The following ATF7IP variants were observed in gnomAD, a reference collection of about 807,000 sequenced individuals.
ATF7IP encodes the protein activating transcription factor 7 interacting protein.
A neutral mutation model predicts 106.4 loss-of-function variants in ATF7IP; 23 were observed. That is an observed-to-expected ratio of 0.22 (90% CI 0.16 to 0.31). The LOEUF (loss-of-function observed/expected upper bound fraction) is 0.31, where lower values mean the gene tolerates loss of function less well. ATF7IP is among the 10% of genes least tolerant of loss of function. ATF7IP has a pLI of 1.00. For synonymous variants in ATF7IP, 542 were observed against 539.0 expected (o/e 1.01, Z -0.08); for missense variants, 1,334 against 1,524.3 (o/e 0.88, Z 2.08).
intron 1 of ATF7IP, among the ~76,000 whole-genome samples, chr12:14,393,296 T>G (rs1250682245): frequency 1.3e-5 from 2 of 152,190 alleles, no homozygotes; most frequent in Non-Finnish European, 2.9e-5. Context: ...TCTCAATGCT[T>G]AGATTATTTC....
At chr12:14,468,084 T>G (rs1397644710) in intron 10 of ATF7IP, among the ~76,000 whole-genome samples, 2 of 151,434 alleles carry the variant, frequency 1.3e-5, no homozygotes, top group Non-Finnish European at 2.9e-5. Flanking sequence ...CTGGCCAACA[T>G]GGGGAAACCG....
intron 1 of ATF7IP, among the ~76,000 whole-genome samples, chr12:14,384,548 G>GA (rs1202072610): frequency 6.6e-6 from 1 of 151,970 alleles, no homozygotes; most frequent in African/African-American, 2.4e-5. Flanking sequence ...ATTTGCCCTG[G>GA]GACTAAACAC....
chr12:14,480,999 T>C lies in ATF7IP; in HGVS notation c.3098-4T>C. 1 of 1,613,334 alleles carries C rather than the reference T, an allele frequency of 6.2e-7. No individual in the cohort carries two copies. The highest frequency in any genetic ancestry group is 8.5e-7 in the Non-Finnish European group (1 of 1,179,656). On this transcript the variant is annotated splice_region_variant and splice_polypyrimidine_tract_variant and intron_variant, in intron 12 of 14. Transcript: ENST00000261168. ...TCTTAATATCTTTTTCTGCCTTGCA[T>C]TAGCTCCAACTACCGTGAATGTAAC... is the stretch of plus-strand genomic sequence containing the variant.
chr12:14,435,979 C>A, intron 3 of ATF7IP, 127 bp from the exon 4 acceptor site: 1 of 917,246 alleles, frequency 1.1e-6, no homozygotes, highest in Non-Finnish European at 1.6e-6. Context: ...ATCTCCAAAA[C>A]AGTTTACAAA....
At chr12:14,436,699 TAATA>T (rs1170263686) in intron 4 of ATF7IP, among the ~76,000 whole-genome samples, 4 of 151,578 alleles carry the variant, frequency 2.6e-5, no homozygotes, top group Non-Finnish European at 4.4e-5. Flanking sequence ...CTCAAAAAAA[TAATA>T]AATAAATAAA....
chr12:14,446,997 G>A lies in ATF7IP; in HGVS notation c.1939G>A (p.Ala647Thr), dbSNP rs747757826. The A allele has an allele frequency of 8.0e-6, 12 of 1,509,054 alleles. No individual in the cohort carries two copies. Among genetic ancestry groups the A allele is most frequent in the South Asian group, 7.9e-5 (6 of 75,732 alleles). The allele number at this position is 1,509,054 out of a possible 1,614,324, so 93.5% of individuals were successfully genotyped here. A position where few individuals can be genotyped will look rare whatever the true frequency, so the allele number is the denominator to read the frequency against. Residue 647 changes from alanine to threonine, a missense_variant, in exon 6 of 15, where the codon GCC becomes ACC. By Grantham distance (58) the Ala-to-Thr change is moderately conservative (BLOSUM62 0). Around this residue, in one of 10 missense-constraint regions of ATF7IP, gnomAD observed 171 missense variants for 172.6 expected, o/e 0.99. Coordinates refer to ENST00000261168, the MANE Select transcript of ATF7IP (RefSeq NM_018179.5). ...TTTTTTTTTTTTTCAGGCCAAGATA[G>A]CCAGGTTAACCAAACGCTTTGAAGC... ...TVLTELQAKI[A>T]RLTKRFEAAK...
Position 14,436,181 on chromosome 12 carries a change from A to T in ATF7IP, c.1721A>T (p.Glu574Val). 6.2e-7 allele frequency: 1 copy of T among 1,613,780 alleles called. No individual in the cohort carries two copies. The highest frequency in any genetic ancestry group is 8.5e-7 in the Non-Finnish European group (1 of 1,179,824). The change falls in exon 4 of 15, where the codon GAA becomes GTA. Residue 574 changes from glutamate to valine, a missense_variant. This residue lies in a region of ATF7IP where 119 missense variants were observed against 117.8 expected (regional missense o/e 1.01). Transcript: ENST00000261168. ...NVQSKRRRYM[E>V]EEYEAEFQVK... Reference sequence around the variant, plus strand: ...CAGTCTAAACGTCGTCGATATATGGAAGAAGAATATGAGGCAGAATTTCAA... The same window carrying T: ...CAGTCTAAACGTCGTCGATATATGGTAGAAGAATATGAGGCAGAATTTCAA...
intron 8 of ATF7IP, among the ~76,000 whole-genome samples, chr12:14,457,803 A>G (rs1439107180): frequency 6.6e-6 from 1 of 152,198 alleles, no homozygotes; most frequent in Non-Finnish European, 1.5e-5. Context: ...ATTCATTTAA[A>G]ATAATAGTAG....
chr12:14,405,401 ATCTTTTTT>A (rs1940511994), intron 1 of ATF7IP, among the ~76,000 whole-genome samples: 1 of 93,020 alleles, frequency 1.1e-5, no homozygotes, highest in Non-Finnish European at 2.2e-5. Context: ...TTTTTCTTTC[ATCTTTTTT>A]TTTTTTTTTT....
At chr12:14,490,047 C>T (rs934482967) in intron 13 of ATF7IP, among the ~76,000 whole-genome samples, 1 of 152,200 alleles carries the variant, frequency 6.6e-6, no homozygotes, top group Non-Finnish European at 1.5e-5. Flanking sequence ...CAGTGTTGGT[C>T]TCTTCTGCTG....
At chr12:14,478,821 T>C (rs1429134423) in intron 12 of ATF7IP, among the ~76,000 whole-genome samples, 1 of 152,142 alleles carries the variant, frequency 6.6e-6, no homozygotes, top group Non-Finnish European at 1.5e-5. Flanking sequence ...TGTTAACAGG[T>C]GTTTCATGAA....
chr12:14,450,150 CATTT>C (rs919639090), intron 6 of ATF7IP, among the ~76,000 whole-genome samples: 18 of 135,042 alleles, frequency 1.3e-4, no homozygotes, highest in African/African-American at 4.4e-4. Flanking sequence ...ATTTGGATGT[CATTT>C]ATTTCTTTTT....
intron 9 of ATF7IP, among the ~76,000 whole-genome samples, chr12:14,462,385 T>C (rs1943676472): frequency 6.6e-6 from 1 of 152,050 alleles, no homozygotes. Context: ...TTCTTTTAGT[T>C]CTTAGTATTT....
intron 6 of ATF7IP, among the ~76,000 whole-genome samples, chr12:14,449,932 T>A (rs1333665650): frequency 6.6e-6 from 1 of 152,132 alleles, no homozygotes; most frequent in African/African-American, 2.4e-5. Flanking sequence ...TTCCTAAGTA[T>A]TTTATTCTTT....
intron 1 of ATF7IP, among the ~76,000 whole-genome samples, chr12:14,378,021 A>C (rs1480326400): frequency 6.6e-6 from 1 of 152,096 alleles, no homozygotes; most frequent in Non-Finnish European, 1.5e-5. Flanking sequence ...TTGAGTTATG[A>C]TACTTTATAC....
intron 1 of ATF7IP, among the ~76,000 whole-genome samples, chr12:14,420,681 T>A (rs1406703518): frequency 6.6e-6 from 1 of 151,982 alleles, no homozygotes; most frequent in Admixed American, 6.6e-5. Context: ...TGAGGGGGGA[T>A]GTTTGGAATT....
chr12:14,487,454 A>G (rs1406844326), intron 13 of ATF7IP, among the ~76,000 whole-genome samples: 9 of 152,184 alleles, frequency 5.9e-5, no homozygotes, highest in Admixed American at 5.2e-4. Context: ...TTACCTGGCA[A>G]CTGCCTCAGA....
chr12:14,427,107 A>T (rs187893489), intron 2 of ATF7IP, among the ~76,000 whole-genome samples: 2 of 122,246 alleles, frequency 1.6e-5, no homozygotes, highest in Non-Finnish European at 3.5e-5. Context: ...TCTGTATAAC[A>T]GAGGTTTTTT....
intron 1 of ATF7IP, among the ~76,000 whole-genome samples, chr12:14,389,012 A>G (rs112342916): frequency 3.3e-5 from 5 of 152,318 alleles, no homozygotes; most frequent in African/African-American, 1.2e-4. Flanking sequence ...TGGTAAGCAT[A>G]TGCTCAGAAT....
Sources: gnomAD v4.1 joint callset for allele counts (sites outside exome capture counted in the v4.1 genomes callset) on GRCh38, gnomAD v4.1.1 for gene constraint, gnomAD v4.1.1 regional missense constraint, MANE v1.5 for transcripts, NCBI Gene and HGNC (gene_info 2026-07-23, HGNC 2026-07-21) for gene names.